The following ACOX1 variants were observed in gnomAD, a reference collection of about 807,000 sequenced individuals.
ACOX1 encodes the protein peroxisomal acyl-coenzyme A oxidase 1.
In ACOX1, 41 loss-of-function variants were observed where a neutral mutation model predicts 75.5. The observed-to-expected ratio is 0.54, with a 90% CI of 0.42 to 0.70. The LOEUF is 0.70. ACOX1 is among the 30% of genes least tolerant of loss of function. ACOX1 has a pLI of 0.00. For missense variants in ACOX1, 630 were observed against 837.5 expected (o/e 0.75, Z 3.06); for synonymous variants, 303 against 298.8 (o/e 1.01, Z -0.15).
In ACOX1 at chr17:75,956,994, T is replaced by C. The variant is rs1293286345; in HGVS notation, c.538+465A>G. 4.8e-5 allele frequency among the ~76,000 whole-genome samples: 4 copies of C among 83,270 alleles called. 1 individual carries two copies. In the East Asian group the frequency reaches 1.9e-3, roughly 40 times the overall value. The allele number at this position is 83,270 out of a possible 152,430, so 54.6% of individuals were successfully genotyped here. On this transcript the variant is annotated intron_variant, in intron 4 of 13. Transcript: ENST00000293217. ...CTCTATATATATATATATATATATA[T>C]ATATATATATATATACACACACACA...
chr17:75,971,148 G>A (rs547770330), intron 2 of ACOX1, among the ~76,000 whole-genome samples: 7 of 152,006 alleles, frequency 4.6e-5, no homozygotes, highest in South Asian at 4.1e-4. Flanking sequence ...AAAATTAGCC[G>A]GGCATGGTGG....
intron 2 of ACOX1, among the ~76,000 whole-genome samples, chr17:75,976,132 T>G (rs1257900678): frequency 1.3e-5 from 2 of 152,192 alleles, no homozygotes; most frequent in African/African-American, 4.8e-5. Context: ...CAGGACTCAT[T>G]TACAAACCCC....
In ACOX1 at chr17:75,942,890, G is replaced by A. The variant is rs943805838; in HGVS notation, c.*3858C>T. The A allele has an allele frequency of 6.6e-6, 1 of 152,154 alleles. No homozygotes were observed. Among genetic ancestry groups the A allele is most frequent in the African/African-American group, 2.4e-5 (1 of 41,420 alleles). The allele number at this position is 152,154 out of a possible 1,614,324, so 9.4% of individuals were successfully genotyped here. ...ATCTCCAAGATCATGCATTTGAAGA[G>A]TTTTATTTCTCCACCCAAAGCCCTG... On this transcript the variant is annotated 3_prime_UTR_variant, in exon 14 of 14. Coordinates refer to ENST00000293217, the MANE Select transcript of ACOX1 (RefSeq NM_004035.7).
In ACOX1 at chr17:75,978,392, C is replaced by T. The variant is rs1446089925; in HGVS notation, c.269+142G>A. On this transcript the variant is annotated intron_variant, in intron 2 of 13. Transcript: ENST00000293217. This position sits in a 1 kb window ranked among gnomAD's most constrained non-coding sequence, Gnocchi z 4.2. ...ACAGGCGTGAGCCACCGCGCCCGGC[C>T]ACACATATAACTTTATAAAGTTGCA... 8.3e-7 allele frequency: 1 copy of T among 1,200,092 alleles called. No individual in the cohort carries two copies. Among genetic ancestry groups the T allele is most frequent in the Non-Finnish European group, 1.2e-6 (1 of 829,282 alleles). 74.3% of individuals were successfully genotyped at this position (1,200,092 alleles called of 1,614,324 possible). A position where few individuals can be genotyped will look rare whatever the true frequency, so the allele number is the denominator to read the frequency against.
intron 2 of ACOX1, chr17:75,973,865 G>A (rs2066019895): frequency 1.4e-6 from 2 of 1,465,288 alleles, no homozygotes; most frequent in South Asian, 1.2e-5. Context: ...AACAGCTTTG[G>A]CCTTCAAGGA....
rs754570886 is a variant in ACOX1, at chr17:75,949,748, A to G, written c.1448T>C (p.Leu483Pro). The G allele has an allele frequency of 1.2e-6, 2 of 1,614,130 alleles. No homozygotes were observed. The highest frequency in any genetic ancestry group is 4.5e-5 in the East Asian group (2 of 44,880). Residue 483 changes from leucine to proline, a missense_variant, in exon 10 of 14, where the codon CTA (leucine) becomes CCA (proline). Physicochemically the swap from Leu to Pro is moderately conservative, Grantham distance 98 (BLOSUM62 -3). Coordinates refer to ENST00000293217, the MANE Select transcript of ACOX1 (RefSeq NM_004035.7). ...TGCACGGAGTTTATATGCTTCGGTTAGGCTTTCGGGGCTGTTGATATCCAC... is the reference window on the plus strand; with the variant it reads ...TGCACGGAGTTTATATGCTTCGGTTGGGCTTTCGGGGCTGTTGATATCCAC... Reference protein sequence around the residue: ...TMVDINSPESLTEAYKLRAAR... With the variant: ...TMVDINSPESPTEAYKLRAAR...
intron 2 of ACOX1, among the ~76,000 whole-genome samples, chr17:75,974,413 C>T (rs1414545172): frequency 6.6e-6 from 1 of 152,166 alleles, no homozygotes; most frequent in African/African-American, 2.4e-5. Context: ...AACATTACTA[C>T]GGATTAACTC....
rs1391706122 is a variant in ACOX1 at position 75,979,036 on chromosome 17, C to T, written c.38G>A (p.Ser13Asn). The change falls in exon 1 of 14, where the codon AGC becomes AAC. Residue 13 changes from serine to asparagine, a missense_variant. Around this residue, in one of 2 missense-constraint regions of ACOX1, gnomAD observed 390 missense variants for 574.9 expected, o/e 0.68. Transcript: ENST00000293217. The stretch of plus-strand genomic sequence containing the variant: ...GTGTGTAAGCAGCTCCGGGTTGAAG[C>T]TGGCGGAATCCCGCTCCCTGCGCAG... ...PDLRRERDSA[S>N]FNPELLTHIL... is the part of the protein sequence containing the mutation. 1.9e-6 allele frequency: 3 copies of T among 1,612,398 alleles called. No individual in the cohort carries two copies. Among genetic ancestry groups the T allele is most frequent in the African/African-American group, 2.7e-5 (2 of 74,942 alleles).
intron 5 of ACOX1, 34 bp downstream of exon 5, chr17:75,955,794 A>G: frequency 6.2e-7 from 1 of 1,614,056 alleles, no homozygotes; most frequent in Non-Finnish European, 8.5e-7. Context: ...GCTCAGTTTC[A>G]TTTTCATCTC....
chr17:75,942,793 A>C lies in ACOX1; in HGVS notation c.*3955T>G, dbSNP rs1369820670. 6.6e-6 allele frequency: 1 copy of C among 152,172 alleles called. No homozygotes were observed. The highest frequency in any genetic ancestry group is 2.4e-5 in the African/African-American group (1 of 41,430). The allele number at this position is 152,172 out of a possible 1,614,324, so 9.4% of individuals were successfully genotyped here. The stretch of plus-strand genomic sequence containing the variant: ...ATTCACTTCCTTTCTAATAAGATGG[A>C]TGGAATAACTCGGAAAAGGGAAAGG... On this transcript the variant is annotated 3_prime_UTR_variant, in exon 14 of 14. Transcript: ENST00000293217.
In ACOX1 at chr17:75,949,812, G is replaced by A. The variant is rs374289686; in HGVS notation, c.1384C>T (p.Arg462Cys). The A allele has an allele frequency of 1.3e-4, 204 of 1,614,020 alleles. No individual in the cohort carries two copies. Among genetic ancestry groups the A allele is most frequent in the African/African-American group, 2.0e-4 (15 of 74,918 alleles). The change falls in exon 10 of 14, where the codon CGC (arginine) becomes TGC (cysteine). Residue 462 changes from arginine (R) to cysteine (C), a missense_variant. Transcript: ENST00000293217. ...VSYLNDLPSQ[R>C]IQPQQVAVWP... The stretch of plus-strand genomic sequence containing the variant: ...ACTGCTACCTGCTGTGGCTGGATGC[G>A]CTGACTGGGCAGGTCGTTCAAATAG...
At chr17:75,964,089 C>T (rs1275250239) in intron 2 of ACOX1, among the ~76,000 whole-genome samples, 4 of 148,978 alleles carry the variant, frequency 2.7e-5, no homozygotes, top group Non-Finnish European at 5.9e-5. Flanking sequence ...GAGGGTGAGG[C>T]ACGAGAATTG....
chr17:75,956,910 C>CCCCTCTCT (rs1229000284), intron 4 of ACOX1, among the ~76,000 whole-genome samples: 1 of 25,016 alleles, frequency 4.0e-5, no homozygotes, highest in Admixed American at 6.4e-4. Flanking sequence ...GCCTGGCTTT[C>CCCCTCTCT]CTCTCTCTCT....
Position 75,960,179 on chromosome 17 carries a change from C to G in ACOX1, c.430+36G>C. 6.2e-7 allele frequency: 1 copy of G among 1,613,156 alleles called. No homozygotes were observed. ...CCACACATGGTAAGCTCACAGGGGC[C>G]CGCCCAACCCAGAAGGTAGACTGAA... is the stretch of plus-strand genomic sequence containing the variant. On this transcript the variant is annotated intron_variant, in intron 3 of 13. Transcript: ENST00000293217. This position sits in a 1 kb window ranked among gnomAD's most constrained non-coding sequence, Gnocchi z 4.4.
rs1598186412 is a variant in ACOX1, at chr17:75,960,353, C to G, written c.292G>C (p.Glu98Gln). Residue 98 changes from glutamate (E) to glutamine (Q), a missense_variant, in exon 3 of 14, where the codon GAG (glutamate) becomes CAG (glutamine). By Grantham distance (29) the Glu-to-Gln change is conservative (BLOSUM62 2). Coordinates refer to ENST00000293217, the MANE Select transcript of ACOX1 (RefSeq NM_004035.7). This position sits in a 1 kb window ranked among gnomAD's most constrained non-coding sequence, Gnocchi z 4.4. ...FKNFVHRGRPEPLDLHLGMFL... is the reference protein window; with the variant it reads ...FKNFVHRGRPQPLDLHLGMFL... Reference sequence around the variant, plus strand: ...ATGCCCAAGTGAAGATCCAGAGGCTCAGGCCGCCCTCGGTGCACAAAACTT... The same window carrying G: ...ATGCCCAAGTGAAGATCCAGAGGCTGAGGCCGCCCTCGGTGCACAAAACTT... 11 of 1,614,120 alleles carry G rather than the reference C, an allele frequency of 6.8e-6. No homozygotes were observed. Among genetic ancestry groups the G allele is most frequent in the East Asian group, 2.2e-5 (1 of 44,884 alleles).
chr17:75,953,332 A>C (rs1281219197), intron 7 of ACOX1, 119 bp downstream of exon 7: 1 of 1,158,010 alleles, frequency 8.6e-7, no homozygotes, highest in Non-Finnish European at 1.3e-6. Flanking sequence ...CCCAGTTATC[A>C]CCCTAGCCAA....
intron 2 of ACOX1, among the ~76,000 whole-genome samples, chr17:75,972,645 C>CAAAA (rs10606220): frequency 1.0e-5 from 1 of 99,198 alleles, no homozygotes; most frequent in Non-Finnish European, 2.2e-5. Flanking sequence ...AACTCTGTCT[C>CAAAA]AAAAAAAAAA....
In ACOX1 at chr17:75,945,507, A is replaced by T. The variant is rs2065711651; in HGVS notation, c.*1241T>A. On this transcript the variant is annotated 3_prime_UTR_variant, in exon 14 of 14. Transcript: ENST00000293217. ...GAATTAAGCCATATTCTCAGGACTG[A>T]TTCTAGAACAGCTGGTTTCATGAGG... 1 of 152,882 alleles carries T rather than the reference A, an allele frequency of 6.5e-6. No homozygotes were observed. The highest frequency in any genetic ancestry group is 2.1e-4 in the South Asian group (1 of 4,830). The allele number at this position is 152,882 out of a possible 1,614,324, so 9.5% of individuals were successfully genotyped here. A position where few individuals can be genotyped will look rare whatever the true frequency, so the allele number is the denominator to read the frequency against.
intron 2 of ACOX1, among the ~76,000 whole-genome samples, chr17:75,976,621 A>G (rs1447321371): frequency 6.6e-6 from 1 of 152,228 alleles, no homozygotes; most frequent in Non-Finnish European, 1.5e-5. Context: ...ACTACCAAAA[A>G]TAAATAAACA....
Sources: gnomAD v4.1 joint callset for allele counts (sites outside exome capture counted in the v4.1 genomes callset) on GRCh38, gnomAD v4.1.1 for gene constraint, gnomAD v4.1.1 regional missense constraint, Gnocchi (gnomAD v3.1) non-coding constraint, MANE v1.5 for transcripts, NCBI Gene and HGNC (gene_info 2026-07-23, HGNC 2026-07-21) for gene names.